MITF: variants seen among roughly 807,000 people sequenced by gnomAD.
MITF encodes melanocyte inducing transcription factor, also known as microphthalmia-associated transcription factor.
Under a neutral mutation model 60.5 loss-of-function variants are expected in MITF, and 17 were observed. The observed-to-expected ratio is 0.28, with a 90% CI of 0.19 to 0.42. The LOEUF is 0.42. MITF is among the 10% of genes least tolerant of loss of function. MITF has a pLI of 1.00. For synonymous variants in MITF, 260 were observed against 248.5 expected, an observed-to-expected ratio of 1.05 and a Z score of -0.43; for missense variants, 622 against 683.5, an observed-to-expected ratio of 0.91 and a Z score of 1.00.
intron 1 of MITF, among the ~76,000 whole-genome samples, chr3:69,859,847 A>G (rs1264946275): frequency 6.6e-6 from 1 of 152,284 alleles, no homozygotes; most frequent in East Asian, 1.9e-4. Flanking sequence ...GAGTTAACCC[A>G]TAAATTGAGA....
At chr3:69,755,805 A>T (rs1239460621) in intron 1 of MITF, among the ~76,000 whole-genome samples, 2 of 152,132 alleles carry the variant, frequency 1.3e-5, no homozygotes, top group Admixed American at 1.3e-4. Context: ...CAATAAGGTG[A>T]TGAGATGCTA....
intron 2 of MITF, among the ~76,000 whole-genome samples, chr3:69,895,598 G>A (rs2107331964): frequency 6.6e-6 from 1 of 151,964 alleles, no homozygotes; most frequent in African/African-American, 2.4e-5. Flanking sequence ...TTTGGTCACA[G>A]GATGTTCTAT....
rs2066484353 is a variant in MITF, at chr3:69,959,389, A to G, written c.1148A>G (p.His383Arg). Reference sequence around the variant, plus strand: ...GAAAACCGACAGAAGAAACTGGAGCACGCCAACCGGCATTTGTTGCTCAGA... The same window carrying G: ...GAAAACCGACAGAAGAAACTGGAGCGCGCCAACCGGCATTTGTTGCTCAGA... ...ELENRQKKLEHANRHLLLRIQ... is the reference protein window; with the variant it reads ...ELENRQKKLERANRHLLLRIQ... Residue 383 changes from histidine (H) to arginine (R), a missense_variant, in exon 9 of 10, where the codon CAC becomes CGC. This residue lies in a region of MITF where 224 missense variants were observed against 209.5 expected (regional missense o/e 1.07). Transcript: ENST00000352241. 7 of 1,613,962 alleles carry G rather than the reference A, an allele frequency of 4.3e-6. No individual in the cohort carries two copies. Among genetic ancestry groups the G allele is most frequent in the Non-Finnish European group, 5.9e-6 (7 of 1,179,878 alleles).
chr3:69,946,992 A>T (rs889961324), intron 5 of MITF, among the ~76,000 whole-genome samples: 2 of 152,126 alleles, frequency 1.3e-5, no homozygotes, highest in Middle Eastern at 3.4e-3. Flanking sequence ...TCTCTTCTTT[A>T]GAATATAGTT....
intron 1 of MITF, among the ~76,000 whole-genome samples, chr3:69,760,023 C>T (rs2062188788): frequency 6.6e-6 from 1 of 152,190 alleles, no homozygotes; most frequent in Admixed American, 6.5e-5. Context: ...CGTGATCCAC[C>T]CGCCTTGGCA....
At chr3:69,962,581 G>T (rs887987832) in intron 9 of MITF, among the ~76,000 whole-genome samples, 1 of 152,154 alleles carries the variant, frequency 6.6e-6, no homozygotes, top group African/African-American at 2.4e-5. Context: ...TCCCCTCTCT[G>T]ATAAGGAAAG....
At chr3:69,917,902 G>A (rs2065373058) in intron 2 of MITF, among the ~76,000 whole-genome samples, 1 of 152,022 alleles carries the variant, frequency 6.6e-6, no homozygotes. Flanking sequence ...TGCTAGCATG[G>A]TTGGGGACCA....
chr3:69,885,378 A>G (rs17006579), intron 2 of MITF, among the ~76,000 whole-genome samples: 61,929 of 151,818 alleles, frequency 0.41, 12,920 homozygotes, highest in African/African-American at 0.51. Flanking sequence ...CCATACTGCC[A>G]GAGGTGAAGG....
intron 9 of MITF, among the ~76,000 whole-genome samples, chr3:69,961,556 A>C (rs1335985332): frequency 6.6e-6 from 1 of 151,026 alleles, no homozygotes; most frequent in Non-Finnish European, 1.5e-5. Flanking sequence ...AATACAAAAA[A>C]AAAAAAAGAA....
intron 1 of MITF, among the ~76,000 whole-genome samples, chr3:69,760,065 A>C (rs1474294009): frequency 6.6e-6 from 1 of 152,240 alleles, no homozygotes; most frequent in Non-Finnish European, 1.5e-5. Flanking sequence ...GGCGTGAGCC[A>C]CTGCGCCCAG....
At chr3:69,852,935 C>T (rs2063850149) in intron 1 of MITF, among the ~76,000 whole-genome samples, 1 of 151,970 alleles carries the variant, frequency 6.6e-6, no homozygotes, top group African/African-American at 2.4e-5. Context: ...CAAGAGTGTA[C>T]AGCTAGAGTT....
At chr3:69,877,336 G>T (rs967035309) in intron 1 of MITF, among the ~76,000 whole-genome samples, 4 of 151,644 alleles carry the variant, frequency 2.6e-5, no homozygotes, top group Non-Finnish European at 4.4e-5. Context: ...GAATCAAATT[G>T]TATGAACAAT....
chr3:69,866,979 C>G (rs2064128959), intron 1 of MITF, among the ~76,000 whole-genome samples: 1 of 151,902 alleles, frequency 6.6e-6, no homozygotes. Flanking sequence ...AAATGTAGAA[C>G]AAGTTTAAAA....
intron 8 of MITF, 63 bp from the exon 9 acceptor site, chr3:69,959,210 A>G: frequency 1.3e-6 from 2 of 1,588,042 alleles, no homozygotes; most frequent in Admixed American, 1.7e-5. Context: ...AGTGCTTTGA[A>G]TATTGAATTT....
chr3:69,843,902 C>A (rs1156256609), intron 1 of MITF, among the ~76,000 whole-genome samples: 1 of 152,132 alleles, frequency 6.6e-6, no homozygotes, highest in African/African-American at 2.4e-5. Flanking sequence ...TAGTCCCCCG[C>A]CCCACGATAG....
At chr3:69,869,715 C>T (rs576685103) in intron 1 of MITF, among the ~76,000 whole-genome samples, 254 of 152,264 alleles carry the variant, frequency 1.7e-3, no homozygotes, top group African/African-American at 5.8e-3. Context: ...GAAACCACCC[C>T]AAAACATCTA....
At chr3:69,768,333 A>G (rs1034556358) in intron 1 of MITF, among the ~76,000 whole-genome samples, 2 of 152,238 alleles carry the variant, frequency 1.3e-5, no homozygotes, top group African/African-American at 4.8e-5. Context: ...ACACACAGAC[A>G]CATGCTCACA....
chr3:69,750,044 T>G (rs1703871706), intron 1 of MITF, among the ~76,000 whole-genome samples: 2 of 152,208 alleles, frequency 1.3e-5, no homozygotes, highest in African/African-American at 4.8e-5. Context: ...GTGCATGATG[T>G]AACGGCAGGG....
chr3:69,879,122 G>A lies in MITF; in HGVS notation c.105-12G>A, dbSNP rs141467928. 8.1e-5 allele frequency: 131 copies of A among 1,613,574 alleles called. No homozygotes were observed. In the African/African-American group the frequency reaches 9.3e-4, roughly 11 times the overall value. On this transcript the variant is annotated splice_polypyrimidine_tract_variant and intron_variant, in intron 1 of 9. Coordinates refer to ENST00000352241, the MANE Select transcript of MITF (RefSeq NM_001354604.2). ...GAAACTAAATGTTGTATGCATTTTG[G>A]TTTTCCCACAGCAGTTCCGCCGAGC...
Sources: gnomAD v4.1 joint callset for allele counts (sites outside exome capture counted in the v4.1 genomes callset) on GRCh38, gnomAD v4.1.1 for gene constraint, gnomAD v4.1.1 regional missense constraint, MANE v1.5 for transcripts, NCBI Gene and HGNC (gene_info 2026-07-23, HGNC 2026-07-21) for gene names.